The following TLN2 variants were observed in gnomAD, a reference collection of about 807,000 sequenced individuals.
The protein encoded by TLN2 is talin-2.
In TLN2, 118 loss-of-function variants were observed where a neutral mutation model predicts 294.7. The ratio of observed to expected loss-of-function variants is 0.40; its 90% CI spans 0.34 to 0.47. The LOEUF is 0.47. TLN2 is among the 20% of genes least tolerant of loss of function. TLN2 has a pLI of 0.84. For synonymous variants in TLN2, 1,431 were observed against 1,304.5 expected (o/e 1.10, Z -2.09); for missense variants, 3,083 against 3,282.2 (o/e 0.94, Z 1.48).
At chr15:62,582,564 G>A (rs2045226506) in intron 1 of TLN2, among the ~76,000 whole-genome samples, 1 of 152,094 alleles carries the variant, frequency 6.6e-6, no homozygotes, top group Non-Finnish European at 1.5e-5. Flanking sequence ...AGATTGAATG[G>A]GGGTGTGGGG....
At chr15:62,500,209 A>G (rs1595948320) in intron 1 of TLN2, among the ~76,000 whole-genome samples, 1 of 152,034 alleles carries the variant, frequency 6.6e-6, no homozygotes, top group Non-Finnish European at 1.5e-5. Flanking sequence ...GTGGTGGCGC[A>G]TGCCTGTAGT....
chr15:62,693,775 C>T (rs530166559), intron 13 of TLN2, among the ~76,000 whole-genome samples: 15 of 152,084 alleles, frequency 9.9e-5, no homozygotes, highest in African/African-American at 2.6e-4. Context: ...GCAATAAATA[C>T]GTGACATCTA....
chr15:62,426,118 T>G (rs1431939342), intron 1 of TLN2, among the ~76,000 whole-genome samples: 1 of 152,200 alleles, frequency 6.6e-6, no homozygotes, highest in Non-Finnish European at 1.5e-5. Context: ...AAGCATTTGT[T>G]CTAAGACCCT....
Position 62,530,351 on chromosome 15 carries a change from T to TATTC in TLN2, c.-237-59314_-237-59311dup, listed in dbSNP as rs138448735. ...TTGTTTATTTATTTATTTATTCATG[T>TATTC]ATTCATTCATTCATTCATTCATTCA... On this transcript the variant is annotated intron_variant, in intron 1 of 58. Coordinates refer to ENST00000636159, the MANE Select transcript of TLN2 (RefSeq NM_015059.3). Among the ~76,000 whole-genome samples the TATTC allele has an allele frequency of 9.1e-3, 1,392 of 152,136 alleles. 24 individuals carry two copies. The highest frequency in any genetic ancestry group is 0.031 in the African/African-American group (1,276 of 41,452).
At chr15:62,683,367 G>A (rs1204410745) in intron 11 of TLN2, among the ~76,000 whole-genome samples, 2 of 152,162 alleles carry the variant, frequency 1.3e-5, no homozygotes, top group Non-Finnish European at 2.9e-5. Context: ...GCTGAAATAC[G>A]TTTGAAAGAG....
intron 19 of TLN2, among the ~76,000 whole-genome samples, chr15:62,705,495 G>A (rs2059001759): frequency 1.3e-5 from 2 of 152,090 alleles, no homozygotes; most frequent in Non-Finnish European, 2.9e-5. Flanking sequence ...TTTTCTGACT[G>A]TATTTTTTTG....
At chr15:62,407,313 C>T (rs559926132) in intron 1 of TLN2, among the ~76,000 whole-genome samples, 1 of 152,234 alleles carries the variant, frequency 6.6e-6, no homozygotes, top group South Asian at 2.1e-4. Context: ...AAGCTCAGAT[C>T]TCCTCAGTAT....
rs567742612 is a variant in TLN2, at chr15:62,696,848, G to A, written c.1293-840G>A. ...TAGAGGCGATGAAACATCCTCTGTG[G>A]TCAATGGTGGTGGACCTGAGGACCC... On this transcript the variant is annotated intron_variant, in intron 14 of 58. Transcript: ENST00000636159. 2.0e-5 allele frequency among the ~76,000 whole-genome samples: 3 copies of A among 152,264 alleles called. No homozygotes were observed. The South Asian group carries it at 6.2e-4, about 32-fold the overall frequency.
At chr15:62,600,555 G>A (rs775785845) in intron 2 of TLN2, among the ~76,000 whole-genome samples, 1 of 152,150 alleles carries the variant, frequency 6.6e-6, no homozygotes, top group East Asian at 1.9e-4. Flanking sequence ...CAAGCCCAGG[G>A]CACTATAAAT....
At position 62,693,972 on chromosome 15, in the gene TLN2, T is replaced by C. The variant is rs1282228845; in HGVS notation, c.1216-344T>C. The stretch of plus-strand genomic sequence containing the variant: ...TTTTCTTTCTTTTTTTTTTTTTTTT[T>C]TTTTTTTTTTTTTTGAGACAGAGTC... On this transcript the variant is annotated intron_variant, in intron 13 of 58. Transcript: ENST00000636159. 2.7e-4 allele frequency among the ~76,000 whole-genome samples: 35 copies of C among 130,302 alleles called. No individual in the cohort carries two copies. The South Asian group carries it at 3.0e-3, about 11-fold the overall frequency. 85.5% of individuals were successfully genotyped at this position (130,302 alleles called of 152,430 possible).
chr15:62,581,557 A>G (rs935120801), intron 1 of TLN2, among the ~76,000 whole-genome samples: 1 of 152,186 alleles, frequency 6.6e-6, no homozygotes, highest in African/African-American at 2.4e-5. Flanking sequence ...TTGTGCTCTT[A>G]GGGTTCAGGG....
intron 1 of TLN2, among the ~76,000 whole-genome samples, chr15:62,562,438 C>T (rs1246689449): frequency 6.6e-6 from 1 of 152,188 alleles, no homozygotes; most frequent in Non-Finnish European, 1.5e-5. Flanking sequence ...CATACAGGTG[C>T]TGGTGCCTGT....
chr15:62,792,765 G>A lies in TLN2; in HGVS notation c.5861G>A (p.Cys1954Tyr). 3 of 1,614,058 alleles carry A rather than the reference G, an allele frequency of 1.9e-6. No homozygotes were observed. The highest frequency in any genetic ancestry group is 2.5e-6 in the Non-Finnish European group (3 of 1,180,030). ...TACACCAAGAGGGAGCTGATCGAAT[G>A]CGCCCGTGCCGTCACGGAAAAGGTA... ...DSYTKRELIE[C>Y]ARAVTEKVSL... Residue 1954 changes from cysteine (C) to tyrosine (Y), a missense_variant, in exon 46 of 59, where the codon TGC becomes TAC. By Grantham distance (194) the Cys-to-Tyr change is radical. Transcript: ENST00000636159.
At chr15:62,544,561 T>C (rs2041882085) in intron 1 of TLN2, among the ~76,000 whole-genome samples, 1 of 152,170 alleles carries the variant, frequency 6.6e-6, no homozygotes, top group Admixed American at 6.5e-5. Flanking sequence ...CCATAGTCTT[T>C]TAAAGGTTCT....
At chr15:62,715,397 G>A (rs1255927914) in intron 22 of TLN2, among the ~76,000 whole-genome samples, 1 of 152,196 alleles carries the variant, frequency 6.6e-6, no homozygotes, top group African/African-American at 2.4e-5. Flanking sequence ...TCAAGCACAT[G>A]TTACAAAGCA....
intron 33 of TLN2, among the ~76,000 whole-genome samples, chr15:62,749,713 G>A (rs1401864753): frequency 6.6e-6 from 1 of 152,138 alleles, no homozygotes; most frequent in Non-Finnish European, 1.5e-5. Flanking sequence ...TGGGGAGGAG[G>A]TTAAATGGCT....
rs769670199 is a variant in TLN2 at position 62,491,337 on chromosome 15, AATAT to A, written c.-237-98338_-237-98335del. ...GCAAGACTCTGTCTCAAAAAAAAAA[AATAT>A]ATATATATATACACACACACACACA... is the stretch of plus-strand genomic sequence containing the variant. On this transcript the variant is annotated intron_variant, in intron 1 of 58. Transcript: ENST00000636159. Among the ~76,000 whole-genome samples the A allele has an allele frequency of 7.4e-3, 853 of 114,920 alleles. 7 individuals are homozygous for A. Among genetic ancestry groups the A allele is most frequent in the Non-Finnish European group, 0.01 (564 of 56,008 alleles). The allele number at this position is 114,920 out of a possible 152,430, so 75.4% of individuals were successfully genotyped here.
At chr15:62,770,163 A>G (rs959446050) in intron 41 of TLN2, among the ~76,000 whole-genome samples, 1 of 152,158 alleles carries the variant, frequency 6.6e-6, no homozygotes, top group Non-Finnish European at 1.5e-5. Context: ...ATGCGTCTCA[A>G]CCCCTCAAAG....
At chr15:62,547,408 A>G (rs4775511) in intron 1 of TLN2, among the ~76,000 whole-genome samples, 2 of 152,132 alleles carry the variant, frequency 1.3e-5, no homozygotes, top group African/African-American at 2.4e-5. Context: ...TATTCAGTGG[A>G]CATAGTACTG....
Sources: allele counts gnomAD v4.1 joint callset (sites outside exome capture counted in the v4.1 genomes callset), GRCh38; gene constraint gnomAD v4.1.1; transcripts MANE v1.5; gene names NCBI Gene and HGNC (gene_info 2026-07-23, HGNC 2026-07-21).